Variants in FARP2 observed in about 807,000 individuals in gnomAD.
The protein encoded by FARP2 is FERM, ARHGEF and pleckstrin domain-containing protein 2.
A neutral mutation model predicts 130.5 loss-of-function variants in FARP2; 111 were observed. That is an observed-to-expected ratio of 0.85 (90% CI 0.73 to 1.00). The LOEUF (loss-of-function observed/expected upper bound fraction) is 1.00, where lower values mean the gene tolerates loss of function less well. Among genes scored for constraint, FARP2 ranks in the 50% least tolerant of loss-of-function variants. FARP2 has a pLI of 0.00. For missense variants in FARP2, 1,385 were observed against 1,346.3 expected (o/e 1.03, Z -0.45); for synonymous variants, 504 against 516.9 (o/e 0.98, Z 0.34).
chr2:241,454,856 C>T (rs994451051), intron 13 of FARP2, among the ~76,000 whole-genome samples: 3 of 152,190 alleles, frequency 2.0e-5, no homozygotes, highest in Non-Finnish European at 2.9e-5. Context: ...CAGAGGAAAG[C>T]TCTGCTATCA....
intron 17 of FARP2, 30 bp downstream of exon 17, chr2:241,464,010 G>T (rs1278619249): frequency 6.3e-7 from 1 of 1,581,854 alleles, no homozygotes. Flanking sequence ...CTGCCTACAT[G>T]AATGCTGTTT....
At chr2:241,468,864 T>C (rs1202666749) in intron 18 of FARP2, among the ~76,000 whole-genome samples, 2 of 152,238 alleles carry the variant, frequency 1.3e-5, no homozygotes, top group African/African-American at 2.4e-5. Flanking sequence ...GCCTTTGTAA[T>C]TTTTGATGTT....
intron 11 of FARP2, 104 bp from the exon 12 acceptor site, chr2:241,436,377 C>A: frequency 1.1e-6 from 1 of 946,692 alleles, no homozygotes; most frequent in Non-Finnish European, 1.7e-6. Flanking sequence ...GCTACATTTT[C>A]TTGTGAGGTT....
chr2:241,465,480 G>T, intron 17 of FARP2: 1 of 1,550,546 alleles, frequency 6.4e-7, no homozygotes, highest in Non-Finnish European at 8.7e-7. Flanking sequence ...TCCACGAAGG[G>T]CATGTAGCAG....
intron 1 of FARP2, among the ~76,000 whole-genome samples, chr2:241,368,700 A>G (rs76029568): frequency 0.016 from 2,509 of 152,090 alleles, 58 homozygotes; most frequent in African/African-American, 0.043. Flanking sequence ...TCAAACTGCT[A>G]TTCTCAAGTG....
At chr2:241,377,703 A>G (rs930170322) in intron 2 of FARP2, among the ~76,000 whole-genome samples, 5 of 152,136 alleles carry the variant, frequency 3.3e-5, no homozygotes, top group African/African-American at 9.7e-5. Context: ...TGGAAACACT[A>G]TGTGAATACT....
intron 13 of FARP2, 30 bp from the exon 14 acceptor site, chr2:241,456,717 C>T (rs773849043): frequency 2.7e-5 from 43 of 1,612,502 alleles, no homozygotes; most frequent in African/African-American, 4.0e-5. Context: ...TCTCATTTCT[C>T]GCTCCATCCC....
At chr2:241,419,187 T>A (rs1049787805) in intron 8 of FARP2, among the ~76,000 whole-genome samples, 2 of 152,168 alleles carry the variant, frequency 1.3e-5, no homozygotes, top group Non-Finnish European at 2.9e-5. Context: ...AGAAAAAAAA[T>A]TAATTTTGAA....
intron 18 of FARP2, among the ~76,000 whole-genome samples, chr2:241,470,842 CAGG>C (rs34459712): frequency 0.37 from 56,483 of 150,890 alleles, 10,737 homozygotes; most frequent in Admixed American, 0.52. Flanking sequence ...ATGCTGCTCT[CAGG>C]GGACCCTGTT....
At chr2:241,435,123 T>G in intron 11 of FARP2, 93 bp downstream of exon 11, 4 of 687,802 alleles carry the variant, frequency 5.8e-6, no homozygotes, top group Non-Finnish European at 7.1e-6. Flanking sequence ...AGACTGAGTC[T>G]TGCTCCGTCA....
intron 13 of FARP2, among the ~76,000 whole-genome samples, chr2:241,449,959 A>T (rs2063606634): frequency 6.6e-6 from 1 of 151,498 alleles, no homozygotes; most frequent in South Asian, 2.1e-4. Context: ...GTGAGCTGAG[A>T]TCGCTCCATT....
In FARP2 at chr2:241,417,950, T is replaced by C. The variant is rs2062718367; in HGVS notation, c.624-12T>C. The C allele has an allele frequency of 2.5e-6, 4 of 1,614,106 alleles. No individual in the cohort carries two copies. The highest frequency in any genetic ancestry group is 2.5e-6 in the Non-Finnish European group (3 of 1,179,978). Reference sequence around the variant, plus strand: ...TGTTTGTAGTGTATGATTCTACCATTTTTTATTACAGGGGCCAGACACCTG... The same window carrying C: ...TGTTTGTAGTGTATGATTCTACCATCTTTTATTACAGGGGCCAGACACCTG... On this transcript the variant is annotated splice_polypyrimidine_tract_variant and intron_variant, in intron 7 of 26. Coordinates refer to ENST00000264042, the MANE Select transcript of FARP2 (RefSeq NM_014808.4).
At chr2:241,387,823 T>C (rs1057355546) in intron 2 of FARP2, among the ~76,000 whole-genome samples, 1 of 151,388 alleles carries the variant, frequency 6.6e-6, no homozygotes, top group African/African-American at 2.4e-5. Flanking sequence ...AATTGTTTTA[T>C]TTACAGTAGC....
intron 10 of FARP2, 35 bp downstream of exon 10, chr2:241,434,356 A>G: frequency 6.6e-7 from 1 of 1,506,276 alleles, no homozygotes; most frequent in Non-Finnish European, 8.9e-7. Flanking sequence ...TGGGCCCCTC[A>G]CTGGTTTGTA....
intron 2 of FARP2, among the ~76,000 whole-genome samples, chr2:241,374,566 A>G (rs535186592): frequency 6.6e-6 from 1 of 152,228 alleles, no homozygotes; most frequent in Non-Finnish European, 1.5e-5. Context: ...AATGCATTGC[A>G]TGGGGTGGGA....
intron 2 of FARP2, among the ~76,000 whole-genome samples, chr2:241,396,359 C>G (rs1452563997): frequency 1.3e-5 from 2 of 152,038 alleles, no homozygotes; most frequent in Admixed American, 1.3e-4. Flanking sequence ...TAAAGAGCTT[C>G]TGCACAGCAA....
rs376813737 is a variant in FARP2 at position 241,468,307 on chromosome 2, C to A, written c.2061C>A (p.His687Gln). Reference sequence around the variant, plus strand: ...TGAAGCCCATCCAGCGGCTGCTGCACTACCGCCTGCTGCTGCGCCGCCTAT... The same window carrying A: ...TGAAGCCCATCCAGCGGCTGCTGCAATACCGCCTGCTGCTGCGCCGCCTAT... The part of the protein sequence containing the change: ...FLLKPIQRLL[H>Q]YRLLLRRLCG... Residue 687 changes from histidine (H) to glutamine (Q), a missense_variant, in exon 18 of 27, where the codon CAC becomes CAA. His to Gln is a conservative substitution (Grantham distance 24). Transcript: ENST00000264042. 1 of 1,613,428 alleles carries A rather than the reference C, an allele frequency of 6.2e-7. No homozygotes were observed.
chr2:241,490,075 A>C (rs759160280), intron 22 of FARP2, 31 bp downstream of exon 22: 6 of 1,501,334 alleles, frequency 4.0e-6, no homozygotes, highest in Non-Finnish European at 4.6e-6. Context: ...CATCCTGAGC[A>C]GCCCTGGATG....
chr2:241,384,774 C>T (rs2061745325), intron 2 of FARP2, among the ~76,000 whole-genome samples: 1 of 152,150 alleles, frequency 6.6e-6, no homozygotes, highest in African/African-American at 2.4e-5. Context: ...TAAGACAACT[C>T]AAACATGGCT....
Sources: allele counts gnomAD v4.1 joint callset (sites outside exome capture counted in the v4.1 genomes callset), GRCh38; gene constraint gnomAD v4.1.1; transcripts MANE v1.5; gene names NCBI Gene and HGNC (gene_info 2026-07-23, HGNC 2026-07-21).